Variants in TMEM117 observed in about 807,000 individuals in gnomAD.
TMEM117 encodes the protein transmembrane protein 117.
TMEM117 carries 27 observed loss-of-function variants against 52.4 expected under a neutral mutation model. The observed-to-expected ratio is 0.51, with a 90% CI of 0.38 to 0.71. TMEM117 has a LOEUF of 0.71. Among genes scored for constraint, TMEM117 ranks in the 30% least tolerant of loss-of-function variants. The pLI is 0.00. For missense variants in TMEM117, 556 were observed against 630.5 expected, an observed-to-expected ratio of 0.88 and a Z score of 1.26; for synonymous variants, 215 against 206.3, an observed-to-expected ratio of 1.04 and a Z score of -0.36.
intron 5 of TMEM117, among the ~76,000 whole-genome samples, chr12:44,284,555 A>T (rs1159334582): frequency 6.6e-6 from 1 of 152,238 alleles, no homozygotes; most frequent in Non-Finnish European, 1.5e-5. Context: ...GACACACAGG[A>T]TTAACATGCC....
At chr12:44,369,314 T>C (rs1209716083) in intron 6 of TMEM117, among the ~76,000 whole-genome samples, 3 of 152,202 alleles carry the variant, frequency 2.0e-5, no homozygotes, top group Non-Finnish European at 2.9e-5. Context: ...TCAAGGTGTC[T>C]AGGTGTAATG....
At chr12:44,059,384 T>C (rs900513412) in intron 3 of TMEM117, among the ~76,000 whole-genome samples, 11 of 152,190 alleles carry the variant, frequency 7.2e-5, no homozygotes, top group Admixed American at 1.3e-4. Context: ...ATCACTTTTT[T>C]CCCCAGAATC....
In TMEM117 at chr12:43,919,537, G is replaced by A. The variant is rs144023810; in HGVS notation, c.278-24673G>A. Reference sequence around the variant, plus strand: ...TCCACATTTTCTTTATCAATTTATCGTATCAATTTCTCTGTCTATGGACAT... The same window carrying A: ...TCCACATTTTCTTTATCAATTTATCATATCAATTTCTCTGTCTATGGACAT... On this transcript the variant is annotated intron_variant, in intron 2 of 7. Transcript: ENST00000266534. Among the ~76,000 whole-genome samples the A allele has an allele frequency of 6.7e-4, 102 of 151,988 alleles. 2 individuals are homozygous for A. The East Asian group carries it at 0.015, about 22-fold the overall frequency.
chr12:44,246,085 C>T (rs1317299463), intron 5 of TMEM117, among the ~76,000 whole-genome samples: 1 of 152,026 alleles, frequency 6.6e-6, no homozygotes, highest in Non-Finnish European at 1.5e-5. Context: ...ATTATAAGCT[C>T]AGTTTCTCAA....
At chr12:44,123,034 A>G (rs1948262977) in intron 3 of TMEM117, among the ~76,000 whole-genome samples, 2 of 152,208 alleles carry the variant, frequency 1.3e-5, no homozygotes, top group Admixed American at 1.3e-4. Flanking sequence ...CCAACAGTAT[A>G]AAAGTGTTCC....
At chr12:44,058,125 G>A (rs1006437369) in intron 3 of TMEM117, among the ~76,000 whole-genome samples, 10 of 151,006 alleles carry the variant, frequency 6.6e-5, no homozygotes, top group African/African-American at 2.2e-4. Flanking sequence ...AAAAATAATA[G>A]AGAGATGTAG....
chr12:44,010,359 C>A (rs1452102268), intron 3 of TMEM117: 3 of 400,410 alleles, frequency 7.5e-6, no homozygotes, highest in Non-Finnish European at 1.5e-5. Flanking sequence ...GGTATTGAAG[C>A]TCTGTTCCTG....
intron 6 of TMEM117, among the ~76,000 whole-genome samples, chr12:44,335,706 T>G (rs1951332250): frequency 6.6e-6 from 1 of 152,098 alleles, no homozygotes; most frequent in Non-Finnish European, 1.5e-5. Flanking sequence ...GTGAAGCTTT[T>G]CACTTTTTTG....
chr12:44,249,075 TCAAGGACC>T (rs1340786348), intron 5 of TMEM117: 1 of 152,202 alleles, frequency 6.6e-6, no homozygotes, highest in African/African-American at 2.4e-5. Context: ...TGAAGAGGCC[TCAAGGACC>T]CTTTACTCAT....
intron 2 of TMEM117, among the ~76,000 whole-genome samples, chr12:43,874,004 G>GT (rs142407292): frequency 9.3e-5 from 14 of 151,052 alleles, no homozygotes; most frequent in Non-Finnish European, 1.6e-4. Flanking sequence ...AAAAATCCAT[G>GT]TTTTTTTTCA....
At chr12:44,309,258 G>A (rs755491964) in intron 6 of TMEM117, among the ~76,000 whole-genome samples, 5 of 152,230 alleles carry the variant, frequency 3.3e-5, no homozygotes, top group Middle Eastern at 3.4e-3. Flanking sequence ...TTTGCCTAAG[G>A]TCATAAAGTC....
At chr12:43,824,850 C>T in the TMEM117 span, among the ~76,000 whole-genome samples, 7 of 152,144 alleles carry the variant, frequency 4.6e-5, no homozygotes, top group African/African-American at 1.4e-4. Context: ...GGTGTGAACC[C>T]GGGAGGCGAA....
Position 43,944,883 on chromosome 12 carries a change from G to A in TMEM117, c.410+541G>A, listed in dbSNP as rs556407376. On this transcript the variant is annotated intron_variant, in intron 3 of 7. Coordinates refer to ENST00000266534, the MANE Select transcript of TMEM117 (RefSeq NM_032256.3). The stretch of plus-strand genomic sequence containing the variant: ...AATCCCAGCACTTTGGGAGGCTGAG[G>A]CAGCGGATCACAAGGTCAGGAGATG... Among the ~76,000 whole-genome samples the A allele has an allele frequency of 2.5e-4, 38 of 152,196 alleles. 1 individual carries two copies. The South Asian group carries it at 7.7e-3, about 31-fold the overall frequency.
chr12:44,327,936 C>T (rs1000498420), intron 6 of TMEM117, among the ~76,000 whole-genome samples: 4 of 152,118 alleles, frequency 2.6e-5, no homozygotes, highest in Non-Finnish European at 4.4e-5. Flanking sequence ...AAATGCATCC[C>T]ACCACATTAC....
chr12:44,099,548 T>C (rs1186571045), intron 3 of TMEM117, among the ~76,000 whole-genome samples: 1 of 152,092 alleles, frequency 6.6e-6, no homozygotes, highest in African/African-American at 2.4e-5. Context: ...TTTCAAACTT[T>C]TGGTTTAGCA....
chr12:44,099,298 A>T (rs1199408308), intron 3 of TMEM117, among the ~76,000 whole-genome samples: 1 of 152,032 alleles, frequency 6.6e-6, no homozygotes, highest in Non-Finnish European at 1.5e-5. Context: ...AAAATACTTA[A>T]ATAGATTTCT....
chr12:44,010,310 C>T (rs983533851), intron 3 of TMEM117: 3 of 449,006 alleles, frequency 6.7e-6, no homozygotes, highest in African/African-American at 6.0e-5. Context: ...TCTTTCTCAG[C>T]TTGACTACCC....
chr12:44,317,156 A>T (rs1029271513), intron 6 of TMEM117, among the ~76,000 whole-genome samples: 3 of 150,712 alleles, frequency 2.0e-5, no homozygotes, highest in Admixed American at 1.3e-4. Context: ...GTGGAGTCAC[A>T]ATATTCAGAT....
chr12:44,332,915 C>A lies in TMEM117; in HGVS notation c.768+33176C>A, dbSNP rs185738656. On this transcript the variant is annotated intron_variant, in intron 6 of 7. Coordinates refer to ENST00000266534, the MANE Select transcript of TMEM117 (RefSeq NM_032256.3). ...GAAAATATCCATATCTTTAAGATCT[C>A]TTTTACTTTAAAATAATTTATATAA... Among the ~76,000 whole-genome samples the A allele has an allele frequency of 2.4e-4, 36 of 152,114 alleles. 1 individual carries two copies. Among genetic ancestry groups the A allele is most frequent in the Admixed American group, 2.4e-3 (36 of 15,248 alleles).
Sources: gnomAD v4.1 joint callset for allele counts (sites outside exome capture counted in the v4.1 genomes callset) on GRCh38, gnomAD v4.1.1 for gene constraint, MANE v1.5 for transcripts, NCBI Gene and HGNC (gene_info 2026-07-23, HGNC 2026-07-21) for gene names.